The following AKAP6 variants were observed in gnomAD, a reference collection of about 807,000 sequenced individuals.
AKAP6 encodes the protein A-kinase anchoring protein 6.
A neutral mutation model predicts 188.5 loss-of-function variants in AKAP6; 58 were observed. The ratio of observed to expected loss-of-function variants is 0.31; its 90% confidence interval spans 0.25 to 0.38. AKAP6 has a LOEUF of 0.38. Among genes scored for constraint, AKAP6 ranks in the 10% least tolerant of loss-of-function variants. The probability of loss-of-function intolerance (pLI) is 1.00; values close to 1 mark genes in which losing one functional copy is unlikely to be tolerated. For missense variants in AKAP6, 2,710 were observed against 2,740.0 expected, an observed-to-expected ratio of 0.99 and a Z score of 0.24; for synonymous variants, 989 against 998.6, an observed-to-expected ratio of 0.99 and a Z score of 0.18.
chr14:32,622,258 C>G (rs780161138), intron 7 of AKAP6, among the ~76,000 whole-genome samples: 5 of 151,762 alleles, frequency 3.3e-5, no homozygotes, highest in Admixed American at 2.6e-4. Flanking sequence ...ATTTGATGAG[C>G]TTTCAAATAA....
intron 7 of AKAP6, among the ~76,000 whole-genome samples, chr14:32,611,156 G>A (rs758339950): frequency 3.3e-5 from 5 of 152,098 alleles, no homozygotes; most frequent in Non-Finnish European, 7.4e-5. Context: ...GGAGCCTGAG[G>A]GAAGGGTTAA....
intron 2 of AKAP6, among the ~76,000 whole-genome samples, chr14:32,480,204 A>G (rs996203024): frequency 6.6e-6 from 1 of 152,204 alleles, no homozygotes; most frequent in Admixed American, 6.5e-5. Context: ...ACTAACTCCT[A>G]TATCAGATAT....
At chr14:32,555,783 T>C (rs1308120103) in intron 4 of AKAP6, among the ~76,000 whole-genome samples, 6 of 152,196 alleles carry the variant, frequency 3.9e-5, no homozygotes, top group Admixed American at 3.9e-4. Context: ...TCTTTCCTTT[T>C]TAGGGCTGAA....
chr14:32,434,079 G>T (rs1401106216), intron 2 of AKAP6: 1 of 405,638 alleles, frequency 2.5e-6, no homozygotes, highest in Non-Finnish European at 4.5e-6. Flanking sequence ...TTTGTGCAGT[G>T]TTATCAAAAT....
chr14:32,829,612 C>CT (rs201787252), intron 13 of AKAP6, among the ~76,000 whole-genome samples: 104 of 96,944 alleles, frequency 1.1e-3, no homozygotes, highest in East Asian at 5.3e-3. Context: ...GAAACCACGT[C>CT]TTTTTAAAAA....
intron 7 of AKAP6, among the ~76,000 whole-genome samples, chr14:32,623,250 A>T (rs904961988): frequency 6.6e-6 from 1 of 152,166 alleles, no homozygotes; most frequent in South Asian, 2.1e-4. Context: ...GTGGGAAATC[A>T]TTATTATGAT....
intron 12 of AKAP6, among the ~76,000 whole-genome samples, chr14:32,820,643 G>A (rs764066873): frequency 2.2e-4 from 34 of 152,176 alleles, no homozygotes; most frequent in Non-Finnish European, 4.1e-4. Context: ...GGACCAAAGT[G>A]AAGTCTCTGT....
At chr14:32,694,668 T>C in intron 8 of AKAP6, among the ~76,000 whole-genome samples, 1 of 152,224 alleles carries the variant, frequency 6.6e-6, no homozygotes, top group East Asian at 1.9e-4. Context: ...TAATCAAGGA[T>C]CTTTATAGTT....
At chr14:32,399,270 G>A (rs945946738) in intron 1 of AKAP6, among the ~76,000 whole-genome samples, 1 of 152,180 alleles carries the variant, frequency 6.6e-6, no homozygotes, top group African/African-American at 2.4e-5. Context: ...CAAATATACA[G>A]AGGTATGAGT....
intron 4 of AKAP6, among the ~76,000 whole-genome samples, chr14:32,574,910 T>C (rs1019075020): frequency 6.6e-6 from 1 of 152,138 alleles, no homozygotes; most frequent in Admixed American, 6.6e-5. Context: ...ATTATGAGAG[T>C]ATCGAGAATT....
chr14:32,371,729 T>G (rs1483916686), intron 1 of AKAP6, among the ~76,000 whole-genome samples: 2 of 152,184 alleles, frequency 1.3e-5, no homozygotes, highest in Non-Finnish European at 2.9e-5. Flanking sequence ...TTTTGAAGAA[T>G]GATCTCATAA....
intron 1 of AKAP6, among the ~76,000 whole-genome samples, chr14:32,333,643 C>CT (rs374545982): frequency 1.0e-4 from 15 of 150,408 alleles, no homozygotes; most frequent in South Asian, 2.1e-4. Flanking sequence ...TAAATAATAA[C>CT]TTTTTTTTTT....
intron 2 of AKAP6, among the ~76,000 whole-genome samples, chr14:32,464,039 A>C (rs923411600): frequency 1.3e-5 from 2 of 152,206 alleles, no homozygotes; most frequent in African/African-American, 4.8e-5. Flanking sequence ...TCAAGACTAA[A>C]CGAGGAAGAA....
At chr14:32,826,686 T>G (rs184173200) in intron 13 of AKAP6, among the ~76,000 whole-genome samples, 1 of 152,304 alleles carries the variant, frequency 6.6e-6, no homozygotes, top group African/African-American at 2.4e-5. Flanking sequence ...CTTCTCTCTC[T>G]TACATAGACG....
chr14:32,824,743 T>A lies in AKAP6; in HGVS notation c.6930T>A (p.His2310Gln), dbSNP rs1270871064. Residue 2310 changes from histidine to glutamine, a missense_variant, in exon 13 of 14, where the codon CAT becomes CAA. By Grantham distance (24) the His-to-Gln change is conservative (BLOSUM62 0). Around this residue, in one of 2 missense-constraint regions of AKAP6, gnomAD observed 2,473 missense variants for 2,426.1 expected, o/e 1.02. Transcript: ENST00000280979. ...LTCEENLLNL[H>Q]EKRHRNMHR is the part of the protein sequence containing the mutation. The stretch of plus-strand genomic sequence containing the variant: ...GTGAAGAAAATCTTCTAAACCTTCA[T>A]GAAAAACGACATAGAAATATGCATA... 6.2e-7 allele frequency: 1 copy of A among 1,611,690 alleles called. No individual in the cohort carries two copies.
In AKAP6 at chr14:32,702,967, G is replaced by C. The variant is rs77541034; in HGVS notation, c.3000+6857G>C. Among the ~76,000 whole-genome samples the C allele has an allele frequency of 9.6e-3, 1,454 of 152,232 alleles. 29 individuals carry two copies. Among genetic ancestry groups the C allele is most frequent in the African/African-American group, 0.033 (1,370 of 41,524 alleles). Reference sequence around the variant, plus strand: ...GTTTTCCTCAGCACTTCAATAAATGGGGTACAGGAGTCAGTAGGAAATGAG... The same window carrying C: ...GTTTTCCTCAGCACTTCAATAAATGCGGTACAGGAGTCAGTAGGAAATGAG... On this transcript the variant is annotated intron_variant, in intron 9 of 13. Transcript: ENST00000280979.
chr14:32,585,711 G>C (rs1212563753), intron 5 of AKAP6, among the ~76,000 whole-genome samples: 1 of 152,126 alleles, frequency 6.6e-6, no homozygotes, highest in Non-Finnish European at 1.5e-5. Flanking sequence ...GTATTCTTAG[G>C]AGTGCAGAGA....
intron 1 of AKAP6, among the ~76,000 whole-genome samples, chr14:32,362,791 A>G (rs1408900589): frequency 3.3e-5 from 5 of 152,168 alleles, no homozygotes; most frequent in Non-Finnish European, 7.3e-5. Flanking sequence ...AATCAGATCT[A>G]TTTTTAGAAA....
chr14:32,718,270 A>C (rs974331857), intron 9 of AKAP6: 2 of 985,256 alleles, frequency 2.0e-6, no homozygotes, highest in Non-Finnish European at 2.4e-6. Context: ...AAAAAAAAGA[A>C]CAATCCATTG....
Sources: allele counts gnomAD v4.1 joint callset (sites outside exome capture counted in the v4.1 genomes callset), GRCh38; gene constraint gnomAD v4.1.1; regional missense constraint gnomAD v4.1.1; transcripts MANE v1.5; gene names NCBI Gene and HGNC (gene_info 2026-07-23, HGNC 2026-07-21).